The following KLF12 variants were observed in gnomAD, a reference collection of about 807,000 sequenced individuals.
KLF12 encodes Krueppel-like factor 12.
A neutral mutation model predicts 37.8 loss-of-function variants in KLF12; 9 were observed. That is an observed-to-expected ratio of 0.24 (90% CI 0.14 to 0.42). The LOEUF (loss-of-function observed/expected upper bound fraction) is 0.42, where lower values mean the gene tolerates loss of function less well. Among genes scored for constraint, KLF12 ranks in the 10% least tolerant of loss-of-function variants. KLF12 has a pLI of 1.00. For missense variants in KLF12, 411 were observed against 516.0 expected, an observed-to-expected ratio of 0.80 and a Z score of 1.97; for synonymous variants, 208 against 202.1, an observed-to-expected ratio of 1.03 and a Z score of -0.25.
the KLF12 span, among the ~76,000 whole-genome samples, chr13:74,287,253 G>A: frequency 6.6e-6 from 1 of 151,754 alleles, no homozygotes; most frequent in Non-Finnish European, 1.5e-5. Context: ...GACCTCTGTC[G>A]GCAGAATCGT....
At chr13:74,039,290 G>A (rs999600436) in intron 1 of KLF12, among the ~76,000 whole-genome samples, 2 of 152,080 alleles carry the variant, frequency 1.3e-5, no homozygotes, top group African/African-American at 2.4e-5. Flanking sequence ...TGTAATCTTA[G>A]TACTTTGAGA....
chr13:74,304,646 G>C, the KLF12 span, among the ~76,000 whole-genome samples: 1 of 152,228 alleles, frequency 6.6e-6, no homozygotes, highest in South Asian at 2.1e-4. Context: ...ATAATTTCAT[G>C]TAAGGGGTGA....
At chr13:74,001,013 T>C (rs948954610) in intron 1 of KLF12, among the ~76,000 whole-genome samples, 3 of 152,236 alleles carry the variant, frequency 2.0e-5, no homozygotes, top group Non-Finnish European at 2.9e-5. Flanking sequence ...GTCTAATTTA[T>C]GTGATTTAAA....
chr13:74,046,778 A>G (rs1221562161), intron 1 of KLF12, among the ~76,000 whole-genome samples: 1 of 152,146 alleles, frequency 6.6e-6, no homozygotes, highest in Non-Finnish European at 1.5e-5. Flanking sequence ...AAATGTTATG[A>G]TTTTTTTAAC....
intron 1 of KLF12, among the ~76,000 whole-genome samples, chr13:74,125,154 A>C (rs559789341): frequency 1.4e-5 from 2 of 143,182 alleles, no homozygotes; most frequent in African/African-American, 5.1e-5. Context: ...CAAAAAAAAA[A>C]ATATATATAT....
chr13:73,946,607 T>C (rs1890435687), intron 2 of KLF12, among the ~76,000 whole-genome samples: 1 of 152,168 alleles, frequency 6.6e-6, no homozygotes, highest in Non-Finnish European at 1.5e-5. Flanking sequence ...ACATTCTCGA[T>C]TTTTTTAAGA....
chr13:73,849,044 A>C (rs1885176387), intron 3 of KLF12, among the ~76,000 whole-genome samples: 1 of 152,174 alleles, frequency 6.6e-6, no homozygotes, highest in Non-Finnish European at 1.5e-5. Flanking sequence ...AAAGTCATCC[A>C]TAATTGCAGC....
the KLF12 span, among the ~76,000 whole-genome samples, chr13:74,143,066 CCT>C: frequency 0.016 from 2,339 of 149,664 alleles, 36 homozygotes; most frequent in Middle Eastern, 0.034. Context: ...TTCCTTCCTT[CCT>C]CTCTTTCCTC....
intron 3 of KLF12, among the ~76,000 whole-genome samples, chr13:73,936,821 T>C (rs1476948029): frequency 6.6e-6 from 1 of 152,184 alleles, no homozygotes; most frequent in African/African-American, 2.4e-5. Flanking sequence ...TCTGAGTTTC[T>C]AGTTGTTCAT....
chr13:74,055,666 G>C (rs981216148), intron 1 of KLF12, among the ~76,000 whole-genome samples: 1 of 152,166 alleles, frequency 6.6e-6, no homozygotes, highest in African/African-American at 2.4e-5. Context: ...ACCACGGACA[G>C]TCAAGATACG....
At chr13:73,772,421 C>T (rs1880327734) in intron 5 of KLF12, among the ~76,000 whole-genome samples, 1 of 152,172 alleles carries the variant, frequency 6.6e-6, no homozygotes, top group Non-Finnish European at 1.5e-5. Flanking sequence ...GGCAGATAAA[C>T]GGCCATGGTG....
chr13:73,755,230 G>C (rs920833056), intron 6 of KLF12, among the ~76,000 whole-genome samples: 2 of 152,108 alleles, frequency 1.3e-5, no homozygotes, highest in Non-Finnish European at 2.9e-5. Context: ...AAGGCAATGA[G>C]TACAGGAATG....
At chr13:73,983,415 G>A (rs917685620) in intron 2 of KLF12, among the ~76,000 whole-genome samples, 2 of 152,092 alleles carry the variant, frequency 1.3e-5, no homozygotes, top group Non-Finnish European at 2.9e-5. Flanking sequence ...CTTCTGGTTC[G>A]TGAACCTCTG....
the KLF12 span, among the ~76,000 whole-genome samples, chr13:74,296,813 G>C: frequency 6.6e-6 from 1 of 152,148 alleles, no homozygotes; most frequent in Non-Finnish European, 1.5e-5. Flanking sequence ...GCAAATTGCT[G>C]TGTGTTATCC....
intron 1 of KLF12, among the ~76,000 whole-genome samples, chr13:74,122,097 T>C (rs937027576): frequency 2.0e-5 from 3 of 152,072 alleles, no homozygotes; most frequent in Non-Finnish European, 2.9e-5. Context: ...GAATTGCTTA[T>C]ATATTTTAAA....
At chr13:74,222,036 G>A in the KLF12 span, among the ~76,000 whole-genome samples, 4 of 152,178 alleles carry the variant, frequency 2.6e-5, no homozygotes, top group Non-Finnish European at 4.4e-5. Context: ...GTACTGAATA[G>A]TTGAGTGAGA....
intron 4 of KLF12, among the ~76,000 whole-genome samples, chr13:73,820,629 A>G (rs1883469955): frequency 6.6e-6 from 1 of 152,074 alleles, no homozygotes; most frequent in Non-Finnish European, 1.5e-5. Context: ...TAAAAGTTCA[A>G]TCAGTTATGT....
In KLF12 at chr13:73,738,112, T is replaced by TGTATGTGTAC. The variant is rs1555299028; in HGVS notation, c.870-22588_870-22587insGTACACATAC. ...GTGTACATATATATATATATATATA[T>TGTATGTGTAC]ATATATATATATACACACACACACA... is the stretch of plus-strand genomic sequence containing the variant. On this transcript the variant is annotated intron_variant, in intron 6 of 7. Coordinates refer to ENST00000377669, the MANE Select transcript of KLF12 (RefSeq NM_007249.5). Among the ~76,000 whole-genome samples, 134 of 74,676 alleles carry TGTATGTGTAC rather than the reference T, an allele frequency of 1.8e-3. 1 individual carries two copies. The highest frequency in any genetic ancestry group is 7.5e-3 in the African/African-American group (114 of 15,246). The allele number at this position is 74,676 out of a possible 152,430, so 49.0% of individuals were successfully genotyped here. A position where few individuals can be genotyped will look rare whatever the true frequency, so the allele number is the denominator to read the frequency against.
At chr13:73,868,325 G>GGT (rs1159911971) in intron 3 of KLF12, among the ~76,000 whole-genome samples, 2 of 108,450 alleles carry the variant, frequency 1.8e-5, no homozygotes, top group African/African-American at 6.6e-5. Context: ...AGGCGGGGGC[G>GGT]GTGGGGGGGG....
Sources: gnomAD v4.1 joint callset for allele counts (sites outside exome capture counted in the v4.1 genomes callset) on GRCh38, gnomAD v4.1.1 for gene constraint, MANE v1.5 for transcripts, NCBI Gene and HGNC (gene_info 2026-07-23, HGNC 2026-07-21) for gene names.